The following SRGAP1 variants were observed in gnomAD, a reference collection of about 807,000 sequenced individuals.
SRGAP1 encodes the protein SLIT-ROBO Rho GTPase activating protein 1, also known as SLIT-ROBO Rho GTPase-activating protein 1.
Under a neutral mutation model 121.9 loss-of-function variants are expected in SRGAP1, and 43 were observed. The observed-to-expected ratio is 0.35, with a 90% CI of 0.28 to 0.46. The LOEUF (loss-of-function observed/expected upper bound fraction) is 0.46, where lower values mean the gene tolerates loss of function less well. Among genes scored for constraint, SRGAP1 ranks in the 20% least tolerant of loss-of-function variants. The pLI is 1.00. For synonymous variants in SRGAP1, 447 were observed against 485.4 expected (o/e 0.92, Z 1.04); for missense variants, 1,102 against 1,350.9 (o/e 0.82, Z 2.89).
At chr12:63,990,393 G>C (rs183856024) in intron 3 of SRGAP1, among the ~76,000 whole-genome samples, 2 of 152,208 alleles carry the variant, frequency 1.3e-5, no homozygotes, top group Admixed American at 1.3e-4. Flanking sequence ...TTAGCTGGGC[G>C]TGGTGGCGCT....
At chr12:63,994,253 C>T (rs979584683) in intron 3 of SRGAP1, among the ~76,000 whole-genome samples, 1 of 152,086 alleles carries the variant, frequency 6.6e-6, no homozygotes, top group Non-Finnish European at 1.5e-5. Flanking sequence ...TATATACCTA[C>T]AATAATTATG....
chr12:64,088,838 C>CAATG (rs2136579176), intron 11 of SRGAP1, among the ~76,000 whole-genome samples: 1 of 152,260 alleles, frequency 6.6e-6, no homozygotes, highest in Non-Finnish European at 1.5e-5. Context: ...CATGCGGGGA[C>CAATG]AATGATTCAG....
chr12:64,102,639 T>C (rs1258439465), intron 15 of SRGAP1, among the ~76,000 whole-genome samples: 1 of 152,244 alleles, frequency 6.6e-6, no homozygotes, highest in East Asian at 1.9e-4. Context: ...TTGCCTGTTC[T>C]GGCCGTTTCA....
chr12:63,894,277 G>A lies in SRGAP1; in HGVS notation c.67+49394G>A, dbSNP rs148516128. On this transcript the variant is annotated intron_variant, in intron 1 of 21. Coordinates refer to ENST00000355086, the MANE Select transcript of SRGAP1 (RefSeq NM_020762.4). ...GCTTTCACCACACTTCAGTAAGACC[G>A]TTTCATCAGAGTAGTTAAAATTGTG... Among the ~76,000 whole-genome samples the A allele has an allele frequency of 5.1e-3, 774 of 151,964 alleles. 5 individuals are homozygous for A. The highest frequency in any genetic ancestry group is 0.018 in the African/African-American group (734 of 41,426).
intron 21 of SRGAP1, among the ~76,000 whole-genome samples, chr12:64,131,966 G>A (rs1351470230): frequency 6.6e-6 from 1 of 152,174 alleles, no homozygotes; most frequent in Non-Finnish European, 1.5e-5. Context: ...CACGAGGTCA[G>A]GAGTTCAAGA....
chr12:64,125,507 G>A (rs573910238), intron 18 of SRGAP1, among the ~76,000 whole-genome samples: 2 of 152,134 alleles, frequency 1.3e-5, no homozygotes, highest in South Asian at 2.1e-4. Context: ...TAAGTAAGCC[G>A]GTAAAGCATA....
In SRGAP1 at chr12:64,087,629, A is replaced by C. The variant is rs190701053; in HGVS notation, c.1436+603A>C. Among the ~76,000 whole-genome samples, 338 of 152,160 alleles carry C rather than the reference A, an allele frequency of 2.2e-3. 7 individuals carry two copies. Among genetic ancestry groups the C allele is most frequent in the East Asian group, 0.017 (86 of 5,180 alleles). ...TGTGCGCCTGTAATCCCAGCTACTC[A>C]GGAGGCTGGGGCAGGAAAATCACTT... is the stretch of plus-strand genomic sequence containing the variant. On this transcript the variant is annotated intron_variant, in intron 11 of 21. Coordinates refer to ENST00000355086, the MANE Select transcript of SRGAP1 (RefSeq NM_020762.4).
chr12:63,944,715 G>A (rs1246443482), intron 1 of SRGAP1, among the ~76,000 whole-genome samples: 1 of 152,308 alleles, frequency 6.6e-6, no homozygotes, highest in South Asian at 2.1e-4. Context: ...GCCCAAGGTT[G>A]CCTTTGATAG....
intron 1 of SRGAP1, among the ~76,000 whole-genome samples, chr12:63,972,290 GA>G (rs1440129751): frequency 1.3e-5 from 2 of 152,234 alleles, no homozygotes; most frequent in East Asian, 1.9e-4. Flanking sequence ...TCTTGTGGTA[GA>G]AGTAGATAAA....
intron 1 of SRGAP1, among the ~76,000 whole-genome samples, chr12:63,891,650 A>G (rs573235597): frequency 1.2e-4 from 18 of 152,272 alleles, no homozygotes; most frequent in African/African-American, 4.1e-4. Flanking sequence ...TAGTATATTC[A>G]GTAAAAATAC....
chr12:64,147,711 G>A lies in SRGAP1; in HGVS notation c.*5039G>A. The stretch of plus-strand genomic sequence containing the variant: ...AAGAAAAAAAATGTTTTGTTAATCT[G>A]TTGTGACAATGCACTTTTATGTATA... On this transcript the variant is annotated 3_prime_UTR_variant, in exon 22 of 22. Coordinates refer to ENST00000355086, the MANE Select transcript of SRGAP1 (RefSeq NM_020762.4). The A allele has an allele frequency of 5.0e-6, 2 of 398,598 alleles. No homozygotes were observed. Among genetic ancestry groups the A allele is most frequent in the Non-Finnish European group, 8.8e-6 (2 of 226,076 alleles). The allele number at this position is 398,598 out of a possible 1,614,324, so 24.7% of individuals were successfully genotyped here.
Position 64,091,354 on chromosome 12 carries a change from T to C in SRGAP1, c.1515T>C (p.Asn505=), listed in dbSNP as rs770410637. ...PRSQYNTKLF[N]GDLETFVKDS... ...CACAGTATAATACTAAGTTGTTTAATGGGGATTTGGAAACATTCGTCAAGG... is the reference window on the plus strand; with the variant it reads ...CACAGTATAATACTAAGTTGTTTAACGGGGATTTGGAAACATTCGTCAAGG... Residue 505 remains asparagine, a synonymous_variant, in exon 12 of 22, where the codon AAT becomes AAC. Transcript: ENST00000355086. 7 of 1,607,748 alleles carry C rather than the reference T, an allele frequency of 4.4e-6. No homozygotes were observed. The highest frequency in any genetic ancestry group is 1.7e-6 in the Non-Finnish European group (2 of 1,176,248).
intron 1 of SRGAP1, among the ~76,000 whole-genome samples, chr12:63,949,366 CTT>C (rs904531668): frequency 2.8e-5 from 4 of 141,420 alleles, no homozygotes; most frequent in Non-Finnish European, 6.1e-5. Context: ...CTTTGAAAAA[CTT>C]GGTGTCTTGG....
chr12:63,851,602 T>C (rs183266783), intron 1 of SRGAP1, among the ~76,000 whole-genome samples: 254 of 151,584 alleles, frequency 1.7e-3, no homozygotes, highest in African/African-American at 5.9e-3. Flanking sequence ...TTTTTTTTTT[T>C]TTTTAGACCG....
chr12:64,133,486 G>A (rs532778739), intron 21 of SRGAP1, among the ~76,000 whole-genome samples: 36 of 152,208 alleles, frequency 2.4e-4, no homozygotes, highest in African/African-American at 8.4e-4. Context: ...CGACATTTTG[G>A]GTCCCCTGGA....
intron 11 of SRGAP1, among the ~76,000 whole-genome samples, chr12:64,090,809 C>T (rs2036037254): frequency 6.6e-6 from 1 of 152,122 alleles, no homozygotes; most frequent in South Asian, 2.1e-4. Context: ...CACTACACTC[C>T]AGCCTGGGTA....
intron 1 of SRGAP1, among the ~76,000 whole-genome samples, chr12:63,963,656 A>T (rs1279183567): frequency 2.0e-5 from 3 of 152,056 alleles, no homozygotes; most frequent in African/African-American, 7.2e-5. Context: ...TCTAATTGTA[A>T]TTTTTTACCC....
chr12:64,096,239 G>A (rs568071018), intron 14 of SRGAP1, among the ~76,000 whole-genome samples: 2 of 152,156 alleles, frequency 1.3e-5, no homozygotes, highest in South Asian at 2.1e-4. Context: ...TTCTCACAGT[G>A]GGCAAAAATA....
At chr12:63,854,073 T>G (rs1899160736) in intron 1 of SRGAP1, among the ~76,000 whole-genome samples, 1 of 152,154 alleles carries the variant, frequency 6.6e-6, no homozygotes, top group African/African-American at 2.4e-5. Flanking sequence ...TATTTACAGT[T>G]TAAAGAATAG....
Sources: allele counts gnomAD v4.1 joint callset (sites outside exome capture counted in the v4.1 genomes callset), GRCh38; gene constraint gnomAD v4.1.1; transcripts MANE v1.5; gene names NCBI Gene and HGNC (gene_info 2026-07-23, HGNC 2026-07-21).